SLC11A2: variants seen among roughly 807,000 people sequenced by gnomAD.
SLC11A2 encodes natural resistance-associated macrophage protein 2.
A neutral mutation model predicts 68.0 loss-of-function variants in SLC11A2; 38 were observed. The ratio of observed to expected loss-of-function variants is 0.56; its 90% CI spans 0.43 to 0.73. SLC11A2 has a LOEUF of 0.73. Ranked by LOEUF, SLC11A2 falls within the 30% of genes least tolerant of loss-of-function variation. SLC11A2 has a pLI of 0.00. For missense variants in SLC11A2, 517 were observed against 690.5 expected (o/e 0.75, Z 2.82); for synonymous variants, 242 against 250.6 (o/e 0.97, Z 0.32).
intron 2 of SLC11A2, 64 bp from the exon 3 acceptor site, chr12:51,008,688 T>G (rs754259202): frequency 3.8e-5 from 49 of 1,294,406 alleles, no homozygotes; most frequent in Non-Finnish European, 5.2e-5. Flanking sequence ...CAATTCATCC[T>G]TAGTATACTG....
chr12:51,026,573 A>C (rs912658378), upstream of SLC11A2, among the ~76,000 whole-genome samples: 10 of 151,500 alleles, frequency 6.6e-5, no homozygotes, highest in Non-Finnish European at 1.5e-4. Context: ...CGGGAGCTGC[A>C]TGCTGCCTAG....
At chr12:51,003,935 G>A (rs1323353195) in intron 5 of SLC11A2, among the ~76,000 whole-genome samples, 1 of 151,830 alleles carries the variant, frequency 6.6e-6, no homozygotes, top group Non-Finnish European at 1.5e-5. Flanking sequence ...GTGAGACTCC[G>A]TCTCAAAAAA....
intron 15 of SLC11A2, among the ~76,000 whole-genome samples, chr12:50,988,702 T>A (rs143130852): frequency 3.7e-4 from 56 of 152,290 alleles, no homozygotes; most frequent in Middle Eastern, 3.4e-3. Context: ...TCCTTTTTTT[T>A]AAAATCTTTA....
chr12:50,959,031 C>CA, the SLC11A2 span, among the ~76,000 whole-genome samples: 3 of 151,524 alleles, frequency 2.0e-5, no homozygotes, highest in Non-Finnish European at 2.9e-5. Context: ...GAAAAACAAA[C>CA]AAAAAAAAGA....
intron 15 of SLC11A2, 55 bp downstream of exon 15, chr12:50,990,740 C>G (rs982888738): frequency 1.0e-5 from 16 of 1,581,138 alleles, no homozygotes; most frequent in Non-Finnish European, 1.4e-5. Context: ...TGTCAGTGAA[C>G]CCCACCTCAA....
the SLC11A2 span, among the ~76,000 whole-genome samples, chr12:50,971,600 C>T: frequency 6.6e-6 from 1 of 152,186 alleles, no homozygotes; most frequent in African/African-American, 2.4e-5. Context: ...TTGGACTCCG[C>T]TCTAACTGCC....
chr12:51,026,051 G>A (rs1307439440), intron 1 of SLC11A2: 1 of 1,095,760 alleles, frequency 9.1e-7, no homozygotes, highest in Non-Finnish European at 1.1e-6. Context: ...GGCGGGGAAG[G>A]GGCGAGACCC....
chr12:50,984,797 T>C (rs759045447), downstream of SLC11A2, among the ~76,000 whole-genome samples: 4 of 152,220 alleles, frequency 2.6e-5, 1 homozygote, highest in Non-Finnish European at 5.9e-5. Context: ...AACTTCTGCC[T>C]AATGCATATT....
chr12:51,009,060 G>T, intron 2 of SLC11A2: 1 of 988,750 alleles, frequency 1.0e-6, no homozygotes, highest in Non-Finnish European at 1.5e-6. Context: ...TAAAAGAAAA[G>T]AACTAGGCCT....
At chr12:51,003,584 T>C (rs1446621855) in intron 5 of SLC11A2, among the ~76,000 whole-genome samples, 2 of 146,928 alleles carry the variant, frequency 1.4e-5, no homozygotes, top group Non-Finnish European at 3.0e-5. Context: ...AACAAACAAA[T>C]ATATATATAT....
downstream of SLC11A2, among the ~76,000 whole-genome samples, chr12:50,983,190 T>C (rs1940219420): frequency 6.6e-6 from 1 of 152,162 alleles, no homozygotes. Context: ...ACTCAGCTAA[T>C]TTTTTTGTAG....
the SLC11A2 span, among the ~76,000 whole-genome samples, chr12:50,955,750 T>C: frequency 6.6e-6 from 1 of 152,200 alleles, no homozygotes; most frequent in African/African-American, 2.4e-5. Context: ...AATAGTGATT[T>C]ATCTTCCTTA....
At chr12:50,966,238 A>C in the SLC11A2 span, among the ~76,000 whole-genome samples, 1 of 152,160 alleles carries the variant, frequency 6.6e-6, no homozygotes, top group Non-Finnish European at 1.5e-5. Flanking sequence ...GCATACAGAG[A>C]ACAGTCACCA....
downstream of SLC11A2, among the ~76,000 whole-genome samples, chr12:50,985,000 G>A (rs1940410363): frequency 1.3e-5 from 2 of 152,182 alleles, no homozygotes; most frequent in African/African-American, 4.8e-5. Context: ...CATTAGTAAT[G>A]TAAATGTGGG....
chr12:50,969,656 G>A, the SLC11A2 span, among the ~76,000 whole-genome samples: 1 of 149,622 alleles, frequency 6.7e-6, no homozygotes, highest in East Asian at 2.0e-4. Flanking sequence ...CTGAGATCAC[G>A]CCATTGTACC....
chr12:51,022,784 A>G (rs148118763), intron 1 of SLC11A2, among the ~76,000 whole-genome samples: 314 of 152,254 alleles, frequency 2.1e-3, no homozygotes, highest in Middle Eastern at 6.8e-3. Context: ...TTCTTCTTTC[A>G]TTTCCTAGGA....
chr12:51,009,380 G>T, intron 2 of SLC11A2: 1 of 1,048,518 alleles, frequency 9.5e-7, no homozygotes. Context: ...ATATTGGGAA[G>T]CAGAAGGTCT....
chr12:50,957,320 C>T, the SLC11A2 span, among the ~76,000 whole-genome samples: 3 of 151,790 alleles, frequency 2.0e-5, no homozygotes, highest in South Asian at 2.1e-4. Context: ...AAGCGATTCT[C>T]GTGCTTCAGC....
chr12:50,997,493 G>C (rs1941810404), intron 8 of SLC11A2, among the ~76,000 whole-genome samples: 1 of 151,958 alleles, frequency 6.6e-6, no homozygotes, highest in Admixed American at 6.6e-5. Context: ...CTTGAGCCCA[G>C]GAGTTCAAGA....
Sources: allele counts gnomAD v4.1 joint callset (sites outside exome capture counted in the v4.1 genomes callset), GRCh38; gene constraint gnomAD v4.1.1; transcripts MANE v1.5; gene names NCBI Gene and HGNC (gene_info 2026-07-23, HGNC 2026-07-21).